Variants in CA10 observed in about 807,000 individuals in gnomAD.
CA10 encodes carbonic anhydrase-related protein 10.
Under a neutral mutation model 44.2 loss-of-function variants are expected in CA10, and 14 were observed. The observed-to-expected ratio is 0.32, with a 90% CI of 0.21 to 0.50. CA10 has a LOEUF of 0.50. Among genes scored for constraint, CA10 ranks in the 20% least tolerant of loss-of-function variants. CA10 has a pLI of 0.99. For missense variants in CA10, 350 were observed against 409.7 expected (o/e 0.85, Z 1.26); for synonymous variants, 159 against 141.6 (o/e 1.12, Z -0.87).
intron 8 of CA10, among the ~76,000 whole-genome samples, chr17:51,632,311 G>A (rs1422311514): frequency 6.6e-6 from 1 of 152,152 alleles, no homozygotes; most frequent in Non-Finnish European, 1.5e-5. Context: ...CACAATACAG[G>A]GGTTTTGACT....
At chr17:51,840,410 G>A (rs1432968077) in intron 3 of CA10, among the ~76,000 whole-genome samples, 1 of 151,594 alleles carries the variant, frequency 6.6e-6, no homozygotes, top group East Asian at 1.9e-4. Flanking sequence ...CATTATATTA[G>A]GGCATTTCTG....
In CA10 at chr17:52,116,826, T is replaced by C. The variant is rs76687609; in HGVS notation, c.61+40900A>G. On this transcript the variant is annotated intron_variant, in intron 1 of 8. Coordinates refer to ENST00000451037, the MANE Select transcript of CA10 (RefSeq NM_020178.5). ...CTGTGCACACCAGTAAGAGGAATGA[T>C]AAGAATCACTGTTTATATTATCTGT... is the stretch of plus-strand genomic sequence containing the variant. Among the ~76,000 whole-genome samples the C allele has an allele frequency of 8.8e-3, 1,343 of 152,288 alleles. 11 individuals are homozygous for C. The highest frequency in any genetic ancestry group is 0.015 in the Non-Finnish European group (1,018 of 68,024).
intron 3 of CA10, among the ~76,000 whole-genome samples, chr17:51,784,060 T>C (rs1567838300): frequency 6.6e-6 from 1 of 152,162 alleles, no homozygotes; most frequent in Non-Finnish European, 1.5e-5. Flanking sequence ...GTGTATATGG[T>C]ACCTGACCCC....
intron 3 of CA10, among the ~76,000 whole-genome samples, chr17:51,748,701 T>G (rs1904792753): frequency 6.6e-6 from 1 of 152,190 alleles, no homozygotes; most frequent in South Asian, 2.1e-4. Flanking sequence ...GAGGCTGAAC[T>G]ATTTGGATTT....
chr17:51,894,247 G>T (rs534712645), intron 3 of CA10, among the ~76,000 whole-genome samples: 2 of 152,196 alleles, frequency 1.3e-5, no homozygotes, highest in South Asian at 4.1e-4. Context: ...AGGGATGACT[G>T]AATAAAGAGA....
intron 3 of CA10, among the ~76,000 whole-genome samples, chr17:51,876,160 G>GTTTTT (rs3033579): frequency 1.0e-4 from 6 of 59,794 alleles, no homozygotes; most frequent in Admixed American, 2.5e-4. Context: ...TTCTTCTCTC[G>GTTTTT]TTTTTTTTTT....
chr17:51,937,414 G>C (rs1023704800), intron 2 of CA10, among the ~76,000 whole-genome samples: 1 of 152,026 alleles, frequency 6.6e-6, no homozygotes, highest in African/African-American at 2.4e-5. Flanking sequence ...TTCATAGATG[G>C]AATTGGCCTT....
chr17:52,096,996 G>A (rs1353132519), intron 1 of CA10, among the ~76,000 whole-genome samples: 1 of 152,102 alleles, frequency 6.6e-6, no homozygotes, highest in Non-Finnish European at 1.5e-5. Context: ...TTGTCCATTT[G>A]CTTACAAATA....
chr17:51,670,130 C>G lies in CA10; in HGVS notation c.466-16394G>C, dbSNP rs374474226. On this transcript the variant is annotated intron_variant, in intron 4 of 8. Coordinates refer to ENST00000451037, the MANE Select transcript of CA10 (RefSeq NM_020178.5). ...AGGCTCCCCTAGCCACGTGGAACTG[C>G]GAGTCAATTAAACCTCTTTTCTTTA... Among the ~76,000 whole-genome samples the G allele has an allele frequency of 3.3e-5, 5 of 152,190 alleles. No individual in the cohort carries two copies. In the East Asian group the frequency reaches 5.8e-4, roughly 18 times the overall value.
At chr17:51,887,698 C>T (rs1199844984) in intron 3 of CA10, among the ~76,000 whole-genome samples, 1 of 151,934 alleles carries the variant, frequency 6.6e-6, no homozygotes, top group African/African-American at 2.4e-5. Flanking sequence ...CGCAGTGGCT[C>T]ACACTTGTAA....
At chr17:51,760,730 C>T (rs1437385199) in intron 3 of CA10, among the ~76,000 whole-genome samples, 2 of 152,096 alleles carry the variant, frequency 1.3e-5, no homozygotes, top group African/African-American at 4.8e-5. Context: ...TACAAGAGTC[C>T]TGTCCAATAC....
At chr17:51,648,054 G>T (rs1222600568) in intron 6 of CA10, among the ~76,000 whole-genome samples, 1 of 152,188 alleles carries the variant, frequency 6.6e-6, no homozygotes, top group Non-Finnish European at 1.5e-5. Context: ...CTGGAGCTTC[G>T]CTTGGTGCCT....
At chr17:52,123,327 A>ATGTGTG (rs36182455) in intron 1 of CA10, among the ~76,000 whole-genome samples, 2 of 147,112 alleles carry the variant, frequency 1.4e-5, no homozygotes, top group African/African-American at 5.0e-5. Flanking sequence ...TTACATATAT[A>ATGTGTG]TGTGTGTGTG....
intron 3 of CA10, among the ~76,000 whole-genome samples, chr17:51,927,048 T>G (rs1425513025): frequency 3.3e-5 from 5 of 152,160 alleles, no homozygotes; most frequent in African/African-American, 1.2e-4. Context: ...TTATCCTTCA[T>G]CCCAGTCTCT....
intron 4 of CA10, among the ~76,000 whole-genome samples, chr17:51,731,924 C>T (rs1287629838): frequency 1.3e-5 from 2 of 152,158 alleles, no homozygotes; most frequent in African/African-American, 2.4e-5. Context: ...ATTTGCCTGC[C>T]TCAGCCTCCC....
intron 4 of CA10, among the ~76,000 whole-genome samples, chr17:51,664,767 G>A (rs907575073): frequency 7.9e-5 from 12 of 152,100 alleles, no homozygotes; most frequent in African/African-American, 2.2e-4. Flanking sequence ...ATGATATTTC[G>A]GGAGACCACA....
At chr17:51,795,388 A>C (rs1365253784) in intron 3 of CA10, among the ~76,000 whole-genome samples, 1 of 152,240 alleles carries the variant, frequency 6.6e-6, no homozygotes, top group Non-Finnish European at 1.5e-5. Flanking sequence ...AAAGAGGAGC[A>C]ATGGAGTTAC....
chr17:52,141,061 G>A (rs1168878757), intron 1 of CA10, among the ~76,000 whole-genome samples: 1 of 152,098 alleles, frequency 6.6e-6, no homozygotes, highest in Non-Finnish European at 1.5e-5. Flanking sequence ...CAAAGAGAAG[G>A]GTTATGTTTT....
chr17:51,738,812 G>C (rs1482938656), intron 4 of CA10, among the ~76,000 whole-genome samples: 1 of 152,152 alleles, frequency 6.6e-6, no homozygotes, highest in Non-Finnish European at 1.5e-5. Flanking sequence ...ACCTAAGAAG[G>C]TTTTTTGAAT....
Sources: allele counts gnomAD v4.1 joint callset (sites outside exome capture counted in the v4.1 genomes callset), GRCh38; gene constraint gnomAD v4.1.1; transcripts MANE v1.5; gene names NCBI Gene and HGNC (gene_info 2026-07-23, HGNC 2026-07-21).